The following KLF3 variants were observed in gnomAD, a reference collection of about 807,000 sequenced individuals.
KLF3 encodes the protein Krueppel-like factor 3.
Under a neutral mutation model 32.7 loss-of-function variants are expected in KLF3, and 6 were observed. That is an observed-to-expected ratio of 0.18 (90% CI 0.10 to 0.36). The LOEUF is 0.36. Among genes scored for constraint, KLF3 ranks in the 10% least tolerant of loss-of-function variants. The pLI, the probability that KLF3 is intolerant of heterozygous loss-of-function variation, is 1.00. For synonymous variants in KLF3, 145 were observed against 172.8 expected (o/e 0.84, Z 1.26); for missense variants, 338 against 449.7 (o/e 0.75, Z 2.25).
intron 2 of KLF3, among the ~76,000 whole-genome samples, chr4:38,683,421 T>C (rs1722589501): frequency 6.6e-6 from 1 of 152,184 alleles, no homozygotes; most frequent in Non-Finnish European, 1.5e-5. Context: ...ACTAGCCTTG[T>C]GCTTTGAGGC....
chr4:38,692,463 A>G (rs1722902486), intron 4 of KLF3, among the ~76,000 whole-genome samples: 1 of 152,266 alleles, frequency 6.6e-6, no homozygotes, highest in Admixed American at 6.5e-5. Context: ...CAAAGTTACA[A>G]ATAGACTATT....
chr4:38,687,161 G>A (rs1191101379), intron 2 of KLF3, among the ~76,000 whole-genome samples: 1 of 152,174 alleles, frequency 6.6e-6, no homozygotes, highest in Admixed American at 6.5e-5. Flanking sequence ...TAAACACATA[G>A]GGTTTTAGAG....
At chr4:38,669,538 G>A (rs1054503248) in intron 1 of KLF3, among the ~76,000 whole-genome samples, 3 of 151,954 alleles carry the variant, frequency 2.0e-5, no homozygotes, top group African/African-American at 7.3e-5. Flanking sequence ...TCATAGAAGA[G>A]GCACAATGCT....
intron 2 of KLF3, among the ~76,000 whole-genome samples, chr4:38,683,527 C>T (rs1293327094): frequency 6.6e-6 from 1 of 151,718 alleles, no homozygotes; most frequent in Non-Finnish European, 1.5e-5. Context: ...TACATCCACC[C>T]AGTGTTGGCA....
At chr4:38,681,756 A>T (rs981738594) in intron 2 of KLF3, among the ~76,000 whole-genome samples, 6 of 152,134 alleles carry the variant, frequency 3.9e-5, no homozygotes, top group African/African-American at 1.4e-4. Flanking sequence ...AAGGGGGAAA[A>T]CTTGGCCCGA....
intron 1 of KLF3, among the ~76,000 whole-genome samples, chr4:38,665,633 C>T (rs1722008511): frequency 6.6e-6 from 1 of 152,176 alleles, no homozygotes; most frequent in Admixed American, 6.5e-5. Context: ...ATTAATATCA[C>T]CCAAGACATT....
In KLF3 at chr4:38,695,019, T is replaced by G. The variant is rs945955944; in HGVS notation, c.856+113T>G. On this transcript the variant is annotated intron_variant, in intron 5 of 5. Transcript: ENST00000261438. ...CATCTTGAAAGTCACCACAGTCATC[T>G]CCAGATGTGTCTTCTCCAGATTAGT... 24 of 895,908 alleles carry G rather than the reference T, an allele frequency of 2.7e-5. No homozygotes were observed. The African/African-American group carries it at 3.9e-4, about 15-fold the overall frequency. 55.5% of individuals were successfully genotyped at this position (895,908 alleles called of 1,614,324 possible). A position where few individuals can be genotyped will look rare whatever the true frequency, so the allele number is the denominator to read the frequency against.
At chr4:38,665,867 GGAA>G (rs1722019314) in intron 1 of KLF3, among the ~76,000 whole-genome samples, 1 of 152,140 alleles carries the variant, frequency 6.6e-6, no homozygotes, top group Admixed American at 6.5e-5. Context: ...CTCACCCTAG[GGAA>G]GAAGACTTGC....
chr4:38,679,495 G>C (rs1014070739), intron 1 of KLF3, among the ~76,000 whole-genome samples: 1 of 152,178 alleles, frequency 6.6e-6, no homozygotes, highest in African/African-American at 2.4e-5. Context: ...GGCGCTTTGG[G>C]AAATGTATAT....
chr4:38,694,640 T>C, intron 4 of KLF3, 106 bp from the exon 5 acceptor site: 1 of 945,032 alleles, frequency 1.1e-6, no homozygotes. Context: ...TTTGTTGGGA[T>C]TTTTTGTTTG....
chr4:38,684,921 T>C (rs1292399301), intron 2 of KLF3, among the ~76,000 whole-genome samples: 1 of 152,152 alleles, frequency 6.6e-6, no homozygotes, highest in African/African-American at 2.4e-5. Flanking sequence ...GAAAGACCCA[T>C]GTCTGTGTCT....
Position 38,697,342 on chromosome 4 carries a change from T to C in KLF3, c.*79T>C. The C allele has an allele frequency of 7.9e-7, 1 of 1,260,262 alleles. No individual in the cohort carries two copies. Among genetic ancestry groups the C allele is most frequent in the South Asian group, 1.5e-5 (1 of 65,372 alleles). 78.1% of individuals were successfully genotyped at this position (1,260,262 alleles called of 1,614,324 possible). On this transcript the variant is annotated 3_prime_UTR_variant, in exon 6 of 6. Transcript: ENST00000261438. ...GTCCTGCCTCCCATTATCTAACACA[T>C]TTTTTACATGTACATTTTAATTTGA...
intron 5 of KLF3, among the ~76,000 whole-genome samples, chr4:38,695,509 G>A (rs1723023433): frequency 6.6e-6 from 1 of 152,150 alleles, no homozygotes; most frequent in Non-Finnish European, 1.5e-5. Context: ...TTACATGGCC[G>A]AGAAAAATGT....
intron 2 of KLF3, among the ~76,000 whole-genome samples, chr4:38,686,847 T>C (rs1455484174): frequency 2.6e-5 from 4 of 152,184 alleles, no homozygotes; most frequent in Non-Finnish European, 4.4e-5. Flanking sequence ...GACTGACTCC[T>C]CCCTAACAGG....
At chr4:38,686,307 G>A (rs28681431) in intron 2 of KLF3, among the ~76,000 whole-genome samples, 27,052 of 151,586 alleles carry the variant, frequency 0.18, 2,515 homozygotes, top group Non-Finnish European at 0.21. Flanking sequence ...TTAGCGAGGC[G>A]TGGTGTCATG....
rs761866080 is a variant in KLF3 at position 38,671,854 on chromosome 4, C to G, written c.-40+7393C>G. 7.2e-5 allele frequency among the ~76,000 whole-genome samples: 11 copies of G among 152,166 alleles called. No individual in the cohort carries two copies. The highest frequency in any genetic ancestry group is 1.5e-4 in the Non-Finnish European group (10 of 68,040). On this transcript the variant is annotated intron_variant, in intron 1 of 5. Coordinates refer to ENST00000261438, the MANE Select transcript of KLF3 (RefSeq NM_016531.6). This position sits in a 1 kb window ranked among gnomAD's most constrained non-coding sequence, Gnocchi z 4.4. ...CACTTAGCCCCTTGCCTTCCTTGAT[C>G]CCTTTTCAAAAACCTGTGTTTGTGC...
chr4:38,679,139 T>C (rs543743082), intron 1 of KLF3, among the ~76,000 whole-genome samples: 1 of 152,298 alleles, frequency 6.6e-6, no homozygotes, highest in Admixed American at 6.5e-5. Context: ...TCCTTTACAA[T>C]AGGCTCATTT....
intron 1 of KLF3, among the ~76,000 whole-genome samples, chr4:38,670,022 C>G (rs1196508784): frequency 2.0e-5 from 3 of 148,902 alleles, no homozygotes; most frequent in African/African-American, 7.4e-5. Context: ...CATTTTGTAT[C>G]CGTTGGCCAG....
At chr4:38,676,678 A>G (rs1324770015) in intron 1 of KLF3, among the ~76,000 whole-genome samples, 2 of 152,018 alleles carry the variant, frequency 1.3e-5, no homozygotes, top group Non-Finnish European at 2.9e-5. Context: ...GTGCTTGTAG[A>G]CATGTGAAAT....
Sources: gnomAD v4.1 joint callset for allele counts (sites outside exome capture counted in the v4.1 genomes callset) on GRCh38, gnomAD v4.1.1 for gene constraint, Gnocchi (gnomAD v3.1) non-coding constraint, MANE v1.5 for transcripts, NCBI Gene and HGNC (gene_info 2026-07-23, HGNC 2026-07-21) for gene names.